RAB7B: variants seen among roughly 807,000 people sequenced by gnomAD.
RAB7B encodes the protein RAB7B, member RAS oncogene family.
chr1:205,986,454 C>T (rs1290240557), intron 4 of RAB7B, among the ~76,000 whole-genome samples: 2 of 152,224 alleles, frequency 1.3e-5, no homozygotes, highest in Non-Finnish European at 2.9e-5. Flanking sequence ...AGCCCCAGCT[C>T]AGTGCTCCCC....
At chr1:205,981,454 C>T (rs1323617871) in intron 5 of RAB7B, among the ~76,000 whole-genome samples, 4 of 152,278 alleles carry the variant, frequency 2.6e-5, no homozygotes, top group African/African-American at 9.6e-5. Flanking sequence ...ATTAACTGAA[C>T]ACCTACTCTG....
Position 205,978,756 on chromosome 1 carries a change from G to A in RAB7B, c.*95C>T. 1 of 397,222 alleles carries A rather than the reference G, an allele frequency of 2.5e-6. No individual in the cohort carries two copies. 24.6% of individuals were successfully genotyped at this position (397,222 alleles called of 1,614,324 possible). On this transcript the variant is annotated 3_prime_UTR_variant, in exon 6 of 6. Transcript: ENST00000617070. ...CCTGCACTGTGCTTGGGCAGGCAGT[G>A]GGGCTGGAGGGGGATGGTCACCTGT... is the stretch of plus-strand genomic sequence containing the variant.
chr1:205,981,393 T>C (rs1165573510), intron 5 of RAB7B, among the ~76,000 whole-genome samples: 1 of 152,254 alleles, frequency 6.6e-6, no homozygotes, highest in Non-Finnish European at 1.5e-5. Flanking sequence ...ACACCTACTC[T>C]GTTCTCTTTC....
intron 4 of RAB7B, among the ~76,000 whole-genome samples, chr1:205,987,339 T>C (rs1660629014): frequency 6.6e-6 from 1 of 152,210 alleles, no homozygotes; most frequent in Non-Finnish European, 1.5e-5. Flanking sequence ...ATGGGAAGTA[T>C]GATAATTCTG....
intron 5 of RAB7B, among the ~76,000 whole-genome samples, chr1:205,980,391 T>C (rs1660468195): frequency 2.0e-5 from 3 of 152,250 alleles, no homozygotes; most frequent in African/African-American, 7.2e-5. Context: ...CACTTGACAA[T>C]GGCAGCATCT....
intron 5 of RAB7B, among the ~76,000 whole-genome samples, chr1:205,980,052 A>G: frequency 6.6e-6 from 1 of 152,246 alleles, no homozygotes; most frequent in East Asian, 1.9e-4. Flanking sequence ...CCCCAAATAC[A>G]TAAGAAGATC....
At chr1:206,001,231 G>A (rs1376096641) in intron 1 of RAB7B, among the ~76,000 whole-genome samples, 3 of 152,016 alleles carry the variant, frequency 2.0e-5, no homozygotes, top group African/African-American at 7.2e-5. Flanking sequence ...TACAGTGGTT[G>A]GAGTCCCTTT....
Position 205,978,868 on chromosome 1 carries a change from T to C in RAB7B, c.583A>G (p.Arg195Gly), listed in dbSNP as rs1046272060. The change falls in exon 6 of 6, where the codon AGG (arginine) becomes GGG (glycine). Residue 195 changes from arginine to glycine, a missense_variant. Physicochemically the swap from Arg to Gly is moderately radical, Grantham distance 125. Transcript: ENST00000617070. ...TCTGGAGGTCAGCAGCATCTGCTCCTTGACTGGTCTGGCGAGAGCTTGATG... is the reference window on the plus strand; with the variant it reads ...TCTGGAGGTCAGCAGCATCTGCTCCCTGACTGGTCTGGCGAGAGCTTGATG... ...ESIKLSPDQS[R>G]SRCC 7 of 398,736 alleles carry C rather than the reference T, an allele frequency of 1.8e-5. No individual in the cohort carries two copies. Among genetic ancestry groups the C allele is most frequent in the African/African-American group, 1.4e-4 (7 of 48,752 alleles). 24.7% of individuals were successfully genotyped at this position (398,736 alleles called of 1,614,324 possible). A position where few individuals can be genotyped will look rare whatever the true frequency, so the allele number is the denominator to read the frequency against.
At chr1:205,985,274 T>C (rs2102633463) in intron 5 of RAB7B, among the ~76,000 whole-genome samples, 1 of 152,328 alleles carries the variant, frequency 6.6e-6, no homozygotes, top group Non-Finnish European at 1.5e-5. Context: ...CTGGAGTTTT[T>C]AGATACTCCA....
At chr1:205,985,827 C>CCCCACCAGG (rs1335751186) in intron 4 of RAB7B, among the ~76,000 whole-genome samples, 162 bp from the exon 5 acceptor site, 2 of 149,872 alleles carry the variant, frequency 1.3e-5, no homozygotes, top group East Asian at 2.0e-4. Flanking sequence ...GGCCCACCAT[C>CCCCACCAGG]CCCACCAGGC....
In RAB7B at chr1:205,978,229, G is replaced by C. The variant is rs1276159689; in HGVS notation, c.*622C>G. ...TTTATGTGAGTTGCCTGAGCACCCA[G>C]CAAGGAGGAATGAGCCATGGTCCCT... On this transcript the variant is annotated 3_prime_UTR_variant, in exon 6 of 6. Transcript: ENST00000617070. The C allele has an allele frequency of 6.6e-6, 1 of 152,224 alleles. No homozygotes were observed. The highest frequency in any genetic ancestry group is 1.5e-5 in the Non-Finnish European group (1 of 68,056). The allele number at this position is 152,224 out of a possible 1,614,324, so 9.4% of individuals were successfully genotyped here.
chr1:205,997,508 G>C (rs1408274883), intron 1 of RAB7B, among the ~76,000 whole-genome samples: 1 of 152,202 alleles, frequency 6.6e-6, no homozygotes, highest in African/African-American at 2.4e-5. Context: ...GGAAAGGCTG[G>C]AAAGGAAGCA....
rs963137884 is a variant in RAB7B at position 205,978,661 on chromosome 1, G to T, written c.*190C>A. 4 of 389,128 alleles carry T rather than the reference G, an allele frequency of 1.0e-5. No individual in the cohort carries two copies. The Admixed American group carries it at 1.8e-4, about 17-fold the overall frequency. 24.1% of individuals were successfully genotyped at this position (389,128 alleles called of 1,614,324 possible). A position where few individuals can be genotyped will look rare whatever the true frequency, so the allele number is the denominator to read the frequency against. On this transcript the variant is annotated 3_prime_UTR_variant, in exon 6 of 6. Transcript: ENST00000617070. ...CAGACGCTCTCACTATACTCAGCCTGAGCCAGGGGCTGCCCTCTGACTCTG... is the reference window on the plus strand; with the variant it reads ...CAGACGCTCTCACTATACTCAGCCTTAGCCAGGGGCTGCCCTCTGACTCTG...
chr1:205,983,208 C>CTACA (rs1660526803), intron 5 of RAB7B, among the ~76,000 whole-genome samples: 2 of 152,318 alleles, frequency 1.3e-5, no homozygotes, highest in South Asian at 4.1e-4. Context: ...CCAACATGAC[C>CTACA]TACAGTAGGT....
intron 1 of RAB7B, among the ~76,000 whole-genome samples, chr1:206,000,355 T>A (rs1660871812): frequency 6.6e-6 from 1 of 152,194 alleles, no homozygotes; most frequent in Non-Finnish European, 1.5e-5. Flanking sequence ...TAAAAAGATG[T>A]GTGGATGGCA....
At chr1:205,981,545 CAAT>C (rs1660491354) in intron 5 of RAB7B, among the ~76,000 whole-genome samples, 1 of 150,204 alleles carries the variant, frequency 6.7e-6, no homozygotes, top group East Asian at 2.0e-4. Flanking sequence ...GTTTCTTTCA[CAAT>C]GTTAACTGAA....
At chr1:205,985,096 C>A (rs1159438012) in intron 5 of RAB7B, among the ~76,000 whole-genome samples, 1 of 152,224 alleles carries the variant, frequency 6.6e-6, no homozygotes, top group Non-Finnish European at 1.5e-5. Context: ...ACCTTCGTAC[C>A]TAGGGGTCTA....
intron 1 of RAB7B, among the ~76,000 whole-genome samples, chr1:205,999,361 T>A (rs1192525943): frequency 2.0e-5 from 3 of 152,176 alleles, no homozygotes; most frequent in African/African-American, 4.8e-5. Flanking sequence ...AAAGAATTAG[T>A]AAGCTTTGAA....
intron 5 of RAB7B, among the ~76,000 whole-genome samples, chr1:205,983,112 G>T (rs1277970063): frequency 2.6e-5 from 4 of 152,172 alleles, no homozygotes; most frequent in Admixed American, 2.6e-4. Context: ...CCTAGTCGGG[G>T]TTCACGAGGC....
Sources: allele counts gnomAD v4.1 joint callset (sites outside exome capture counted in the v4.1 genomes callset), GRCh38; gene constraint gnomAD v4.1.1; transcripts MANE v1.5; gene names NCBI Gene and HGNC (gene_info 2026-07-23, HGNC 2026-07-21).